Variants in FNBP1 observed in about 807,000 individuals in gnomAD.
FNBP1 encodes the protein formin-binding protein 1.
Under a neutral mutation model 90.6 loss-of-function variants are expected in FNBP1, and 26 were observed. The ratio of observed to expected loss-of-function variants is 0.29; its 90% CI spans 0.21 to 0.40. The LOEUF is 0.40. FNBP1 is among the 10% of genes least tolerant of loss of function. The probability of loss-of-function intolerance (pLI) is 1.00; values close to 1 mark genes in which losing one functional copy is unlikely to be tolerated. For synonymous variants in FNBP1, 260 were observed against 265.2 expected, an observed-to-expected ratio of 0.98 and a Z score of 0.19; for missense variants, 635 against 768.0, an observed-to-expected ratio of 0.83 and a Z score of 2.05.
chr9:129,954,713 C>T (rs2046654545), intron 6 of FNBP1, among the ~76,000 whole-genome samples: 1 of 152,098 alleles, frequency 6.6e-6, no homozygotes, highest in South Asian at 2.1e-4. Flanking sequence ...TAAAATCATT[C>T]TTGGCTGGCG....
At chr9:129,894,589 TG>T (rs1322918792) in intron 16 of FNBP1, among the ~76,000 whole-genome samples, 1 of 152,212 alleles carries the variant, frequency 6.6e-6, no homozygotes, top group Non-Finnish European at 1.5e-5. Context: ...AAGCATTTGC[TG>T]CCACACCACG....
At chr9:130,040,672 T>A (rs923522465) in intron 1 of FNBP1, among the ~76,000 whole-genome samples, 2 of 151,416 alleles carry the variant, frequency 1.3e-5, no homozygotes, top group Non-Finnish European at 2.9e-5. Flanking sequence ...CTCATTGCCA[T>A]ACACTTGCAT....
chr9:129,927,433 CTT>C (rs753763258), intron 7 of FNBP1, 92 bp from the exon 8 acceptor site: 3 of 1,264,444 alleles, frequency 2.4e-6, no homozygotes, highest in Non-Finnish European at 3.3e-6. Flanking sequence ...AACAAGTTCT[CTT>C]TGAGGAAAAA....
At chr9:130,011,397 G>C (rs1341234431) in intron 1 of FNBP1, among the ~76,000 whole-genome samples, 2 of 151,480 alleles carry the variant, frequency 1.3e-5, no homozygotes, top group Admixed American at 6.6e-5. Flanking sequence ...ATTTGCTAAG[G>C]TTTTAATGAA....
At chr9:129,927,134 G>C in intron 8 of FNBP1, 61 bp downstream of exon 8, 2 of 1,555,010 alleles carry the variant, frequency 1.3e-6, no homozygotes, top group Non-Finnish European at 8.8e-7. Flanking sequence ...ATGGAAAGGG[G>C]ATGGGGAGAA....
intron 13 of FNBP1, among the ~76,000 whole-genome samples, chr9:129,902,085 C>T (rs1353990475): frequency 2.0e-5 from 3 of 152,116 alleles, no homozygotes; most frequent in Non-Finnish European, 4.4e-5. Flanking sequence ...CTCTCCCTCC[C>T]TCAAGCTTTG....
intron 4 of FNBP1, among the ~76,000 whole-genome samples, chr9:129,959,143 G>A (rs1327018434): frequency 2.6e-5 from 4 of 151,820 alleles, no homozygotes; most frequent in Admixed American, 6.6e-5. Context: ...TATAAAATTT[G>A]AAGACAGGCC....
intron 4 of FNBP1, among the ~76,000 whole-genome samples, chr9:129,968,271 T>G (rs2048921480): frequency 6.6e-6 from 1 of 151,876 alleles, no homozygotes. Flanking sequence ...GGCAGGCGCC[T>G]GTAATCCCAG....
chr9:129,928,660 CAAA>C (rs901155477), intron 7 of FNBP1, among the ~76,000 whole-genome samples: 1 of 96,006 alleles, frequency 1.0e-5, no homozygotes. Flanking sequence ...GACTCCATCT[CAAA>C]AAAAAAAAAG....
chr9:129,902,868 C>T lies in FNBP1; in HGVS notation c.1428+1G>A. 1.2e-6 allele frequency: 2 copies of T among 1,613,302 alleles called. No individual in the cohort carries two copies. The highest frequency in any genetic ancestry group is 1.7e-6 in the Non-Finnish European group (2 of 1,179,786). On this transcript the variant is annotated splice_donor_variant, in intron 13 of 16. Coordinates refer to ENST00000446176, the MANE Select transcript of FNBP1 (RefSeq NM_015033.3). LOFTEE classifies it high-confidence loss of function. ...AGCTTTCCACAACAGAAGTTTCATA[C>T]CTCAAATTTCTGGGTCTCTACTCGC...
intron 1 of FNBP1, among the ~76,000 whole-genome samples, chr9:130,030,362 G>A (rs907287488): frequency 6.6e-6 from 1 of 151,578 alleles, no homozygotes; most frequent in Admixed American, 6.6e-5. Context: ...TTGAAACTGG[G>A]AGCCGGAGGT....
At chr9:129,994,196 C>G (rs1293701490) in intron 2 of FNBP1, among the ~76,000 whole-genome samples, 1 of 152,206 alleles carries the variant, frequency 6.6e-6, no homozygotes, top group Non-Finnish European at 1.5e-5. Flanking sequence ...CGGATGAGTT[C>G]TGGTGCATTC....
intron 8 of FNBP1, 131 bp from the exon 9 acceptor site, chr9:129,925,288 C>T (rs2131915812): frequency 3.0e-6 from 2 of 677,566 alleles, no homozygotes; most frequent in Admixed American, 2.6e-5. Context: ...GGGTGGATCA[C>T]GAGGTCAGGA....
chr9:130,030,353 T>C (rs994586487), intron 1 of FNBP1, among the ~76,000 whole-genome samples: 4 of 150,800 alleles, frequency 2.7e-5, no homozygotes, highest in African/African-American at 9.8e-5. Flanking sequence ...GAGAATCTCT[T>C]GAAACTGGGA....
chr9:129,913,869 TTTTTG>T (rs2039791657), intron 11 of FNBP1, among the ~76,000 whole-genome samples: 1 of 125,266 alleles, frequency 8.0e-6, no homozygotes, highest in African/African-American at 2.9e-5. Flanking sequence ...GATTTTGGGT[TTTTTG>T]TTTTGTTTTA....
At chr9:130,028,215 T>C (rs111749711) in intron 1 of FNBP1, among the ~76,000 whole-genome samples, 130 of 152,334 alleles carry the variant, frequency 8.5e-4, no homozygotes, top group African/African-American at 3.1e-3. Flanking sequence ...GGATGGGCAA[T>C]ATTGTTGTGG....
chr9:130,030,493 G>A (rs1181161007), intron 1 of FNBP1, among the ~76,000 whole-genome samples: 1 of 150,852 alleles, frequency 6.6e-6, no homozygotes, highest in African/African-American at 2.4e-5. Flanking sequence ...CCTAAAGAAA[G>A]AATGGGTTAA....
chr9:129,951,581 C>T (rs1211253417), intron 6 of FNBP1, among the ~76,000 whole-genome samples: 2 of 151,758 alleles, frequency 1.3e-5, no homozygotes, highest in African/African-American at 2.4e-5. Flanking sequence ...AGGTGGGACT[C>T]CAAGGGCACA....
chr9:129,890,823 C>A lies in FNBP1; in HGVS notation c.1847-277G>T, dbSNP rs1258387691. On this transcript the variant is annotated intron_variant, in intron 16 of 16. Coordinates refer to ENST00000446176, the MANE Select transcript of FNBP1 (RefSeq NM_015033.3). The surrounding 1 kb of genome is among the most constrained non-coding windows in gnomAD (Gnocchi z 5.8). The stretch of plus-strand genomic sequence containing the variant: ...AGACTGATGAGGCCATCCGCCCCAA[C>A]TCGTCTTTCTCATAAGTTTAGTTTT... 1.3e-5 allele frequency among the ~76,000 whole-genome samples: 2 copies of A among 152,312 alleles called. No homozygotes were observed. Among genetic ancestry groups the A allele is most frequent in the East Asian group, 1.9e-4 (1 of 5,180 alleles).
Sources: allele counts gnomAD v4.1 joint callset (sites outside exome capture counted in the v4.1 genomes callset), GRCh38; gene constraint gnomAD v4.1.1; non-coding constraint Gnocchi (gnomAD v3.1); transcripts MANE v1.5; gene names NCBI Gene and HGNC (gene_info 2026-07-23, HGNC 2026-07-21).